Variants in TAF4 observed in about 807,000 individuals in gnomAD.
TAF4 encodes the protein transcription initiation factor TFIID subunit 4.
TAF4 carries 9 observed loss-of-function variants against 90.3 expected under a neutral mutation model. That is an observed-to-expected ratio of 0.10 (90% CI 0.06 to 0.17). TAF4 has a LOEUF of 0.17. Ranked by LOEUF, TAF4 falls within the 10% of genes least tolerant of loss-of-function variation. The pLI is 1.00. For synonymous variants in TAF4, 818 were observed against 638.9 expected (o/e 1.28, Z -4.23); for missense variants, 1,351 against 1,370.7 (o/e 0.99, Z 0.23).
At chr20:62,022,444 G>T (rs756967375) in intron 1 of TAF4, among the ~76,000 whole-genome samples, 1 of 152,188 alleles carries the variant, frequency 6.6e-6, no homozygotes, top group Non-Finnish European at 1.5e-5. Flanking sequence ...GTGTTTCCCT[G>T]CAGTGGAAAG....
At chr20:62,009,946 G>A (rs1315037214) in intron 4 of TAF4, 100 bp downstream of exon 4, 41 of 1,556,596 alleles carry the variant, frequency 2.6e-5, no homozygotes, top group Middle Eastern at 1.7e-4. Flanking sequence ...AGCAGTGAGC[G>A]GTCTGGGACA....
chr20:62,034,582 A>G (rs1430639102), intron 1 of TAF4, among the ~76,000 whole-genome samples: 1 of 151,990 alleles, frequency 6.6e-6, no homozygotes, highest in East Asian at 1.9e-4. Flanking sequence ...CTCCCATCTC[A>G]GCCTCCCAAA....
At chr20:62,060,834 G>C (rs925626216) in intron 1 of TAF4, among the ~76,000 whole-genome samples, 2 of 152,188 alleles carry the variant, frequency 1.3e-5, no homozygotes, top group Non-Finnish European at 2.9e-5. Context: ...CCCATTGACA[G>C]AACCAGTCAG....
At position 62,065,064 on chromosome 20, in the gene TAF4, GGGC is replaced by G; in HGVS notation, c.744_746del (p.Pro250del). 1.1e-6 allele frequency: 1 copy of G among 890,272 alleles called. No homozygotes were observed. The allele number at this position is 890,272 out of a possible 1,614,324, so 55.1% of individuals were successfully genotyped here. A position where few individuals can be genotyped will look rare whatever the true frequency, so the allele number is the denominator to read the frequency against. ...GGGGCGAGGGCGCGGCGGGCGCGGG[GGGC>G]GCGGCGGCGCCCACGAAGGGGGGCG... On this transcript the variant is annotated inframe_deletion, in exon 1 of 15. Transcript: ENST00000252996.
chr20:61,994,725 C>A (rs774789704), intron 14 of TAF4, among the ~76,000 whole-genome samples: 3 of 152,200 alleles, frequency 2.0e-5, no homozygotes, highest in Non-Finnish European at 4.4e-5. Context: ...CAGGTCACTA[C>A]CCTGACCCTG....
chr20:61,999,961 T>C (rs1388428487), intron 11 of TAF4, among the ~76,000 whole-genome samples, 163 bp downstream of exon 11: 1 of 152,098 alleles, frequency 6.6e-6, no homozygotes, highest in African/African-American at 2.4e-5. Context: ...AAAGAAATCT[T>C]TCCAAAATCT....
rs1331153355 is a variant in TAF4, at chr20:61,975,383, T to G, written c.*785A>C. 1 of 152,364 alleles carries G rather than the reference T, an allele frequency of 6.6e-6. No individual in the cohort carries two copies. The highest frequency in any genetic ancestry group is 1.5e-5 in the Non-Finnish European group (1 of 68,014). 9.4% of individuals were successfully genotyped at this position (152,364 alleles called of 1,614,324 possible). On this transcript the variant is annotated 3_prime_UTR_variant, in exon 15 of 15. Coordinates refer to ENST00000252996, the MANE Select transcript of TAF4 (RefSeq NM_003185.4). ...ATGATTCTTCTCAACTTTGATTTTA[T>G]TTAATCTAGGTTTTCACTTTTAGCT...
intron 1 of TAF4, among the ~76,000 whole-genome samples, chr20:62,060,345 G>A (rs1050816643): frequency 2.6e-5 from 4 of 152,262 alleles, no homozygotes; most frequent in African/African-American, 7.2e-5. Context: ...ATAGACCTCT[G>A]CTGTGAATGC....
chr20:61,999,204 C>A, intron 11 of TAF4, 96 bp from the exon 12 acceptor site: 1 of 1,485,602 alleles, frequency 6.7e-7, no homozygotes, highest in South Asian at 1.2e-5. Flanking sequence ...GCACAACGCC[C>A]TCCCTCCGTC....
chr20:62,045,673 T>C (rs1198134377), intron 1 of TAF4, among the ~76,000 whole-genome samples: 2 of 152,230 alleles, frequency 1.3e-5, no homozygotes, highest in Non-Finnish European at 2.9e-5. Context: ...TTTGTGAGTG[T>C]AAGGCTACAT....
chr20:62,021,787 T>C (rs2055844890), intron 1 of TAF4, among the ~76,000 whole-genome samples: 2 of 152,068 alleles, frequency 1.3e-5, no homozygotes, highest in African/African-American at 4.8e-5. Flanking sequence ...TAAAGTTCTA[T>C]ACTTTTTTTT....
intron 1 of TAF4, among the ~76,000 whole-genome samples, chr20:62,022,357 A>G (rs1206542197): frequency 6.6e-6 from 1 of 152,170 alleles, no homozygotes; most frequent in Non-Finnish European, 1.5e-5. Context: ...ACCAGCAGGC[A>G]GCCTCATCCC....
rs1568918822 is a variant in TAF4, at chr20:61,978,039, A to ACGAGACCAACCAAGGGAGGGCG, written c.3091-1726_3091-1705dup. Among the ~76,000 whole-genome samples, 37 of 135,846 alleles carry ACGAGACCAACCAAGGGAGGGCG rather than the reference A, an allele frequency of 2.7e-4. 4 individuals are homozygous for ACGAGACCAACCAAGGGAGGGCG. Among genetic ancestry groups the ACGAGACCAACCAAGGGAGGGCG allele is most frequent in the East Asian group, 9.2e-4 (4 of 4,354 alleles). The allele number at this position is 135,846 out of a possible 152,430, so 89.1% of individuals were successfully genotyped here. A position where few individuals can be genotyped will look rare whatever the true frequency, so the allele number is the denominator to read the frequency against. ...GTGTCAGCACCAACCAAGGGAGGGC[A>ACGAGACCAACCAAGGGAGGGCG]CGAGACCAACCAAGGGAGGGCGCGA... On this transcript the variant is annotated intron_variant, in intron 14 of 14. Transcript: ENST00000252996.
At chr20:62,002,098 C>T (rs1375444990) in intron 9 of TAF4, among the ~76,000 whole-genome samples, 1 of 152,202 alleles carries the variant, frequency 6.6e-6, no homozygotes, top group Non-Finnish European at 1.5e-5. Flanking sequence ...TCTGCCAGGC[C>T]GCTGACTCCT....
chr20:62,052,223 T>C (rs1600863037), intron 1 of TAF4, among the ~76,000 whole-genome samples: 1 of 150,640 alleles, frequency 6.6e-6, no homozygotes, highest in African/African-American at 2.4e-5. Context: ...AGGCTCAACC[T>C]CCCCCTCCCG....
At chr20:62,013,055 C>T (rs561471123) in intron 2 of TAF4, 121 bp from the exon 3 acceptor site, 36 of 1,384,064 alleles carry the variant, frequency 2.6e-5, no homozygotes, top group South Asian at 5.9e-5. Flanking sequence ...CAGGCTTATC[C>T]GTGATCTGCA....
intron 5 of TAF4, 139 bp from the exon 6 acceptor site, chr20:62,007,775 G>A (rs2055755328): frequency 3.9e-6 from 3 of 760,274 alleles, no homozygotes; most frequent in South Asian, 1.8e-5. Flanking sequence ...GAAAGTCTGC[G>A]TGCTACACCT....
At chr20:62,063,461 G>A (rs1415773247) in intron 1 of TAF4, among the ~76,000 whole-genome samples, 2 of 152,268 alleles carry the variant, frequency 1.3e-5, no homozygotes, top group African/African-American at 4.8e-5. Context: ...GAGGGACGGG[G>A]AGCCCCAGAC....
chr20:61,999,470 G>A (rs1010614691), intron 11 of TAF4, among the ~76,000 whole-genome samples: 1 of 152,258 alleles, frequency 6.6e-6, no homozygotes, highest in Non-Finnish European at 1.5e-5. Flanking sequence ...TGAAGGCACT[G>A]CCTCCCGGCT....
Sources: allele counts gnomAD v4.1 joint callset (sites outside exome capture counted in the v4.1 genomes callset), GRCh38; gene constraint gnomAD v4.1.1; transcripts MANE v1.5; gene names NCBI Gene and HGNC (gene_info 2026-07-23, HGNC 2026-07-21).